The following TENM2 variants were observed in gnomAD, a reference collection of about 807,000 sequenced individuals.
TENM2 encodes teneurin-2.
A neutral mutation model predicts 245.2 loss-of-function variants in TENM2; 52 were observed. The ratio of observed to expected loss-of-function variants is 0.21; its 90% CI spans 0.17 to 0.27. The LOEUF is 0.27. Among genes scored for constraint, TENM2 ranks in the 10% least tolerant of loss-of-function variants. The pLI is 1.00. For missense variants in TENM2, 3,046 were observed against 3,666.8 expected, an observed-to-expected ratio of 0.83 and a Z score of 4.37; for synonymous variants, 1,363 against 1,438.9, an observed-to-expected ratio of 0.95 and a Z score of 1.19.
At chr5:167,799,930 G>A (rs1738635085) in intron 2 of TENM2, among the ~76,000 whole-genome samples, 2 of 152,300 alleles carry the variant, frequency 1.3e-5, no homozygotes, top group South Asian at 2.1e-4. Context: ...TGTTTCAGTA[G>A]GCCTGGGGTA....
At position 168,218,716 on chromosome 5, in the gene TENM2, G is replaced by T; in HGVS notation, c.4825G>T (p.Val1609Leu). The change falls in exon 23 of 29, where the codon GTG becomes TTG. Residue 1609 changes from valine to leucine, a missense_variant. Val to Leu is a conservative substitution (Grantham distance 32, BLOSUM62 1). Transcript: ENST00000518659. The surrounding 1 kb of genome is among the most constrained non-coding windows in gnomAD (Gnocchi z 5.2). ...CATCCACCAATACACTGTGAGCCTG[G>T]TGACAGGGGAGTACTTGTACAATTT... is the stretch of plus-strand genomic sequence containing the variant. 1 of 1,614,040 alleles carries T rather than the reference G, an allele frequency of 6.2e-7. No homozygotes were observed. Among genetic ancestry groups the T allele is most frequent in the South Asian group, 1.1e-5 (1 of 91,084 alleles).
chr5:167,650,708 G>A (rs537792991), intron 2 of TENM2, among the ~76,000 whole-genome samples: 6 of 152,228 alleles, frequency 3.9e-5, no homozygotes, highest in African/African-American at 9.6e-5. Context: ...ATTAAAAGGC[G>A]AGTATTTTTA....
At chr5:168,193,471 T>G (rs1761127879) in intron 14 of TENM2, among the ~76,000 whole-genome samples, 1 of 152,218 alleles carries the variant, frequency 6.6e-6, no homozygotes, top group Non-Finnish European at 1.5e-5. Flanking sequence ...AATGAACTGA[T>G]AGTATGTCTT....
chr5:167,470,456 T>TTTTTTTC, intron 2 of TENM2, among the ~76,000 whole-genome samples: 1 of 142,402 alleles, frequency 7.0e-6, no homozygotes, highest in African/African-American at 2.6e-5. Flanking sequence ...AATGCTTGCT[T>TTTTTTTC]TTTTTTTTTT....
chr5:167,139,846 G>A, the TENM2 span, among the ~76,000 whole-genome samples: 1 of 152,204 alleles, frequency 6.6e-6, no homozygotes, highest in Non-Finnish European at 1.5e-5. Context: ...ACCAAGCGTT[G>A]TAATGACTTC....
chr5:167,494,232 G>A (rs1339776547), intron 2 of TENM2, among the ~76,000 whole-genome samples: 1 of 152,006 alleles, frequency 6.6e-6, no homozygotes, highest in African/African-American at 2.4e-5. Context: ...ATGGAAGACA[G>A]CAACAATAGT....
intron 1 of TENM2, among the ~76,000 whole-genome samples, chr5:167,298,734 T>C (rs533834473): frequency 6.6e-6 from 1 of 152,364 alleles, no homozygotes; most frequent in African/African-American, 2.4e-5. Flanking sequence ...AGATTCAGCA[T>C]AGTCCTGCCA....
At chr5:167,388,068 T>C (rs1011163269) in intron 2 of TENM2, among the ~76,000 whole-genome samples, 1 of 152,172 alleles carries the variant, frequency 6.6e-6, no homozygotes, top group African/African-American at 2.4e-5. Flanking sequence ...TTTCTGTATC[T>C]TGTGGAATAG....
intron 4 of TENM2, among the ~76,000 whole-genome samples, chr5:167,981,281 A>G (rs1296054595): frequency 1.3e-5 from 2 of 151,986 alleles, no homozygotes; most frequent in African/African-American, 2.4e-5. Context: ...TTTCTAATAC[A>G]CTTCCTGCAT....
At chr5:167,269,721 C>G in the TENM2 span, among the ~76,000 whole-genome samples, 6 of 152,156 alleles carry the variant, frequency 3.9e-5, no homozygotes, top group African/African-American at 1.4e-4. Context: ...CATTCACTCT[C>G]TTCTTCTCTG....
chr5:167,622,094 T>C (rs1477130691), intron 2 of TENM2, among the ~76,000 whole-genome samples: 1 of 152,222 alleles, frequency 6.6e-6, no homozygotes, highest in Non-Finnish European at 1.5e-5. Context: ...TGTTTCAATT[T>C]TTTACATACT....
intron 2 of TENM2, among the ~76,000 whole-genome samples, chr5:167,376,147 C>T (rs186815319): frequency 6.6e-6 from 1 of 152,294 alleles, no homozygotes; most frequent in African/African-American, 2.4e-5. Flanking sequence ...TCCTTCCGAT[C>T]ATTAAGCAGT....
At chr5:167,242,046 G>GTTTTTTTTTTTTTTTTTTTTTTTTTT in the TENM2 span, among the ~76,000 whole-genome samples, 3 of 131,500 alleles carry the variant, frequency 2.3e-5, no homozygotes, top group African/African-American at 8.5e-5. Context: ...TTTGTTTTTT[G>GTTTTTTTTTTTTTTTTTTTTTTTTTT]TTTTTTTTTT....
At chr5:167,444,256 A>G (rs979010392) in intron 2 of TENM2, among the ~76,000 whole-genome samples, 1 of 150,054 alleles carries the variant, frequency 6.7e-6, no homozygotes, top group African/African-American at 2.4e-5. Flanking sequence ...ATATGTCTCA[A>G]AGTCATACAC....
At chr5:168,231,808 G>A (rs184156842) in intron 25 of TENM2, among the ~76,000 whole-genome samples, 6 of 151,522 alleles carry the variant, frequency 4.0e-5, no homozygotes, top group South Asian at 4.2e-4. Context: ...TTAAATAGCC[G>A]ACCATGGCCT....
At chr5:167,554,977 A>C (rs1773172896) in intron 2 of TENM2, among the ~76,000 whole-genome samples, 1 of 152,092 alleles carries the variant, frequency 6.6e-6, no homozygotes, top group Non-Finnish European at 1.5e-5. Context: ...ATTTTTTTTC[A>C]ATAGTCAGGA....
intron 27 of TENM2, among the ~76,000 whole-genome samples, chr5:168,250,121 T>C (rs1025979886): frequency 1.2e-5 from 1 of 83,040 alleles, no homozygotes; most frequent in Non-Finnish European, 2.2e-5. Context: ...GATGGATGGA[T>C]GGATGGATGG....
chr5:167,450,797 C>A (rs762626453), intron 2 of TENM2, among the ~76,000 whole-genome samples: 1 of 152,108 alleles, frequency 6.6e-6, no homozygotes, highest in Non-Finnish European at 1.5e-5. Flanking sequence ...GTTTTCATGA[C>A]TTTCACTCTG....
At chr5:167,171,009 C>T in the TENM2 span, among the ~76,000 whole-genome samples, 2 of 152,168 alleles carry the variant, frequency 1.3e-5, no homozygotes, top group Non-Finnish European at 2.9e-5. Context: ...CATCCTCTTC[C>T]CTTCCACAGC....
Sources: gnomAD v4.1 joint callset for allele counts (sites outside exome capture counted in the v4.1 genomes callset) on GRCh38, gnomAD v4.1.1 for gene constraint, Gnocchi (gnomAD v3.1) non-coding constraint, MANE v1.5 for transcripts, NCBI Gene and HGNC (gene_info 2026-07-23, HGNC 2026-07-21) for gene names.